The following CSMD1 variants were observed in gnomAD, a reference collection of about 807,000 sequenced individuals.
CSMD1 encodes CUB and sushi domain-containing protein 1.
Under a neutral mutation model 417.5 loss-of-function variants are expected in CSMD1, and 213 were observed. That is an observed-to-expected ratio of 0.51 (90% CI 0.46 to 0.57). The LOEUF (loss-of-function observed/expected upper bound fraction) is 0.57, where lower values mean the gene tolerates loss of function less well. Among genes scored for constraint, CSMD1 ranks in the 20% least tolerant of loss-of-function variants. The pLI is 0.00. For missense variants in CSMD1, 6,923 were observed against 4,529.7 expected (o/e 1.53, Z -15.17); for synonymous variants, 2,862 against 1,736.8 (o/e 1.65, Z -16.11).
At chr8:3,667,419 G>A (rs562868834) in intron 7 of CSMD1, among the ~76,000 whole-genome samples, 1 of 151,828 alleles carries the variant, frequency 6.6e-6, no homozygotes, top group African/African-American at 2.4e-5. Flanking sequence ...AGATCTTGGG[G>A]AAGAGATTTT....
At chr8:4,462,478 T>A (rs527591216) in intron 2 of CSMD1, among the ~76,000 whole-genome samples, 14 of 152,226 alleles carry the variant, frequency 9.2e-5, no homozygotes, top group African/African-American at 3.4e-4. Context: ...CTTATTTGCG[T>A]ACATTAACAA....
chr8:4,041,672 G>T (rs767394887), intron 3 of CSMD1, among the ~76,000 whole-genome samples: 1 of 152,090 alleles, frequency 6.6e-6, no homozygotes, highest in Non-Finnish European at 1.5e-5. Flanking sequence ...AAGTGAGCCA[G>T]AAATAAAACA....
intron 5 of CSMD1, among the ~76,000 whole-genome samples, chr8:3,800,777 C>A (rs1259010905): frequency 3.9e-5 from 6 of 151,990 alleles, no homozygotes; most frequent in African/African-American, 1.4e-4. Flanking sequence ...AAATTCCCTC[C>A]TCATGTTTGG....
intron 3 of CSMD1, among the ~76,000 whole-genome samples, chr8:4,058,674 A>G (rs538497737): frequency 2.8e-4 from 40 of 144,924 alleles, no homozygotes; most frequent in African/African-American, 1.0e-3. Flanking sequence ...TTAAACCAAC[A>G]AAGATCAAAA....
At chr8:3,348,760 GA>G (rs1211354440) in intron 21 of CSMD1, among the ~76,000 whole-genome samples, 2 of 152,166 alleles carry the variant, frequency 1.3e-5, no homozygotes, top group Admixed American at 1.3e-4. Flanking sequence ...AATGAAGGAA[GA>G]GAAAAATTGA....
Position 3,560,236 on chromosome 8 carries a change from G to A in CSMD1, c.1344+14709C>T, listed in dbSNP as rs371333153. The stretch of plus-strand genomic sequence containing the variant: ...GTCCAAAGAAGAAATTATATTAATA[G>A]AAGGATAATATTAACAGTAGTACTG... On this transcript the variant is annotated intron_variant, in intron 10 of 69. Coordinates refer to ENST00000635120, the MANE Select transcript of CSMD1 (RefSeq NM_033225.6). 3.4e-4 allele frequency among the ~76,000 whole-genome samples: 52 copies of A among 152,244 alleles called. No individual in the cohort carries two copies. In the South Asian group the frequency reaches 7.7e-3, roughly 22 times the overall value.
chr8:3,790,368 G>A (rs2623679), intron 5 of CSMD1, among the ~76,000 whole-genome samples: 10,494 of 152,024 alleles, frequency 0.069, 528 homozygotes, highest in East Asian at 0.24. Context: ...TGATAGTGAC[G>A]GTGATGGTTA....
chr8:4,637,817 C>T (rs1278943830), intron 1 of CSMD1, among the ~76,000 whole-genome samples: 4 of 151,622 alleles, frequency 2.6e-5, no homozygotes, highest in South Asian at 2.1e-4. Flanking sequence ...ACTACAGGCG[C>T]CCGCCACCGC....
At chr8:4,180,364 G>A (rs570933729) in intron 3 of CSMD1, among the ~76,000 whole-genome samples, 7 of 148,048 alleles carry the variant, frequency 4.7e-5, no homozygotes, top group South Asian at 2.1e-4. Flanking sequence ...ACTCATACAT[G>A]GGAATTGAAA....
rs78755106 is a variant in CSMD1 at position 3,791,326 on chromosome 8, G to C, written c.819-37284C>G. ...TAGGTATCTGAATTTAAGTATAGTA[G>C]AATTTCATAGGATAACCTGAAACAA... On this transcript the variant is annotated intron_variant, in intron 5 of 69. Coordinates refer to ENST00000635120, the MANE Select transcript of CSMD1 (RefSeq NM_033225.6). Among the ~76,000 whole-genome samples the C allele has an allele frequency of 5.9e-3, 897 of 152,242 alleles. 10 individuals are homozygous for C. Among genetic ancestry groups the C allele is most frequent in the African/African-American group, 0.02 (828 of 41,540 alleles).
At chr8:3,721,945 C>G (rs1802200458) in intron 6 of CSMD1, among the ~76,000 whole-genome samples, 1 of 152,122 alleles carries the variant, frequency 6.6e-6, no homozygotes, top group African/African-American at 2.4e-5. Context: ...CAGGTGCACC[C>G]AAGGCCGTCC....
intron 10 of CSMD1, among the ~76,000 whole-genome samples, chr8:3,541,780 G>A (rs28455993): frequency 6.6e-6 from 1 of 150,590 alleles, no homozygotes; most frequent in African/African-American, 2.4e-5. Context: ...AACTACAGCT[G>A]TTCTTTTTAA....
chr8:3,514,473 C>A (rs570525469), intron 10 of CSMD1, among the ~76,000 whole-genome samples: 1 of 152,282 alleles, frequency 6.6e-6, no homozygotes, highest in South Asian at 2.1e-4. Context: ...CTGAAGAACC[C>A]AGGCTTCAAT....
chr8:3,318,573 A>C (rs901488717), intron 23 of CSMD1, among the ~76,000 whole-genome samples: 9 of 152,224 alleles, frequency 5.9e-5, no homozygotes, highest in Admixed American at 3.9e-4. Flanking sequence ...TTAAGCGCTT[A>C]ATATGCAGTA....
intron 2 of CSMD1, among the ~76,000 whole-genome samples, chr8:4,451,053 C>A (rs1431343693): frequency 4.6e-5 from 7 of 152,120 alleles, no homozygotes; most frequent in Admixed American, 3.9e-4. Flanking sequence ...GAATTCTGCA[C>A]TGCTCATTCA....
chr8:4,318,713 CA>C (rs33979970), intron 3 of CSMD1, among the ~76,000 whole-genome samples: 55,519 of 143,272 alleles, frequency 0.39, 10,807 homozygotes, highest in African/African-American at 0.52. Context: ...TTTAAAATCT[CA>C]AAAAAAAAAA....
intron 1 of CSMD1, among the ~76,000 whole-genome samples, chr8:4,835,694 A>C (rs924662864): frequency 6.6e-6 from 1 of 152,064 alleles, no homozygotes; most frequent in African/African-American, 2.4e-5. Flanking sequence ...TGCCACAATG[A>C]TTGTGGTCAG....
At chr8:4,099,007 C>G (rs1307251436) in intron 3 of CSMD1, among the ~76,000 whole-genome samples, 1 of 152,184 alleles carries the variant, frequency 6.6e-6, no homozygotes, top group African/African-American at 2.4e-5. Flanking sequence ...AGACTCCAAA[C>G]AACTCTTCAG....
chr8:3,578,642 C>G (rs918125408), intron 9 of CSMD1, among the ~76,000 whole-genome samples: 2 of 152,146 alleles, frequency 1.3e-5, no homozygotes, highest in African/African-American at 4.8e-5. Context: ...ACCTGCCTCT[C>G]TCTTCACTCA....
Sources: allele counts gnomAD v4.1 joint callset (sites outside exome capture counted in the v4.1 genomes callset), GRCh38; gene constraint gnomAD v4.1.1; transcripts MANE v1.5; gene names NCBI Gene and HGNC (gene_info 2026-07-23, HGNC 2026-07-21).